The following ETV6 variants were observed in gnomAD, a reference collection of about 807,000 sequenced individuals.
ETV6 encodes transcription factor ETV6.
In ETV6, 16 loss-of-function variants were observed where a neutral mutation model predicts 51.1. The ratio of observed to expected loss-of-function variants is 0.31; its 90% confidence interval spans 0.21 to 0.48. ETV6 has a LOEUF of 0.48. Among genes scored for constraint, ETV6 ranks in the 20% least tolerant of loss-of-function variants. The pLI, the probability that ETV6 is intolerant of heterozygous loss-of-function variation, is 0.99. For synonymous variants in ETV6, 240 were observed against 224.1 expected, an observed-to-expected ratio of 1.07 and a Z score of -0.64; for missense variants, 458 against 594.8, an observed-to-expected ratio of 0.77 and a Z score of 2.39.
chr12:11,674,959 C>A (rs1245242716), intron 1 of ETV6, among the ~76,000 whole-genome samples: 2 of 152,156 alleles, frequency 1.3e-5, no homozygotes, highest in Admixed American at 6.5e-5. Flanking sequence ...GCCCCTCAGT[C>A]AACATTTATG....
chr12:11,837,709 G>A (rs937437860), intron 2 of ETV6, among the ~76,000 whole-genome samples: 4 of 152,166 alleles, frequency 2.6e-5, no homozygotes, highest in African/African-American at 7.2e-5. Context: ...AGTGAGAGAC[G>A]GAAGCTCCTC....
Position 11,751,603 on chromosome 12 carries a change from A to C in ETV6, c.34-847A>C, listed in dbSNP as rs1866030508. Among the ~76,000 whole-genome samples, 3 of 152,114 alleles carry C rather than the reference A, an allele frequency of 2.0e-5. No individual in the cohort carries two copies. The South Asian group carries it at 6.2e-4, about 31-fold the overall frequency. Reference sequence around the variant, plus strand: ...CACGGTAATCCTTCTCACCCCATCTAGTTTGTTTTAATTGATCTAACAAAC... The same window carrying C: ...CACGGTAATCCTTCTCACCCCATCTCGTTTGTTTTAATTGATCTAACAAAC... On this transcript the variant is annotated intron_variant, in intron 1 of 7. Transcript: ENST00000396373.
chr12:11,810,826 C>T (rs1275777133), intron 2 of ETV6, among the ~76,000 whole-genome samples: 1 of 152,182 alleles, frequency 6.6e-6, no homozygotes, highest in Non-Finnish European at 1.5e-5. Flanking sequence ...TGATCCAGGT[C>T]ACCTATTCCA....
intron 1 of ETV6, among the ~76,000 whole-genome samples, chr12:11,735,380 G>A (rs1865684348): frequency 1.3e-5 from 2 of 152,296 alleles, no homozygotes; most frequent in Middle Eastern, 3.4e-3. Flanking sequence ...TCAGTGGGTG[G>A]CACCTAGGGT....
intron 2 of ETV6, among the ~76,000 whole-genome samples, chr12:11,816,552 A>G (rs562568503): frequency 6.6e-6 from 1 of 152,244 alleles, no homozygotes; most frequent in South Asian, 2.1e-4. Flanking sequence ...GGCCAGCTTT[A>G]TGTTTTTAAA....
chr12:11,742,449 A>G (rs1416057968), intron 1 of ETV6, among the ~76,000 whole-genome samples: 2 of 152,242 alleles, frequency 1.3e-5, no homozygotes, highest in East Asian at 1.9e-4. Context: ...ATTACTTGCC[A>G]AGGTGATTAT....
At chr12:11,670,755 G>A (rs190695940) in intron 1 of ETV6, among the ~76,000 whole-genome samples, 1 of 152,348 alleles carries the variant, frequency 6.6e-6, no homozygotes, top group Non-Finnish European at 1.5e-5. Context: ...TTGTAAATGA[G>A]AAGTGGCCTT....
intron 2 of ETV6, among the ~76,000 whole-genome samples, chr12:11,777,054 C>T (rs1945336886): frequency 6.6e-6 from 1 of 152,126 alleles, no homozygotes; most frequent in South Asian, 2.1e-4. Context: ...CTGGCTAACA[C>T]AGTGAAACCC....
intron 1 of ETV6, among the ~76,000 whole-genome samples, chr12:11,673,872 AT>A (rs1223638894): frequency 7.2e-5 from 11 of 152,296 alleles, no homozygotes; most frequent in African/African-American, 2.4e-4. Flanking sequence ...TTTGGCAGTG[AT>A]TCCATGGCTC....
chr12:11,797,557 G>A (rs1945697080), intron 2 of ETV6, among the ~76,000 whole-genome samples: 1 of 152,238 alleles, frequency 6.6e-6, no homozygotes, highest in Non-Finnish European at 1.5e-5. Context: ...TCCCATTACA[G>A]CAAAGGCTTG....
At chr12:11,871,304 T>TCAGC (rs1946878219) in intron 5 of ETV6, among the ~76,000 whole-genome samples, 1 of 149,134 alleles carries the variant, frequency 6.7e-6, no homozygotes, top group Admixed American at 6.7e-5. Context: ...TTCTCCTGCC[T>TCAGC]CAGCCTCCTG....
At chr12:11,673,943 T>G (rs1185722313) in intron 1 of ETV6, among the ~76,000 whole-genome samples, 1 of 152,196 alleles carries the variant, frequency 6.6e-6, no homozygotes, top group Non-Finnish European at 1.5e-5. Context: ...TGGAATTTGG[T>G]TGAAGCAAGT....
intron 5 of ETV6, among the ~76,000 whole-genome samples, chr12:11,871,076 T>A (rs1394224288): frequency 1.3e-5 from 2 of 151,800 alleles, no homozygotes; most frequent in Non-Finnish European, 2.9e-5. Flanking sequence ...AAATGCCCCC[T>A]CCTCCCTGAG....
chr12:11,659,394 C>T (rs1413659322), intron 1 of ETV6, among the ~76,000 whole-genome samples: 1 of 152,158 alleles, frequency 6.6e-6, no homozygotes, highest in East Asian at 1.9e-4. Flanking sequence ...TACCACCATG[C>T]AATAAGTGTG....
chr12:11,828,142 G>T (rs1172422971), intron 2 of ETV6, among the ~76,000 whole-genome samples: 1 of 151,820 alleles, frequency 6.6e-6, no homozygotes, highest in Non-Finnish European at 1.5e-5. Flanking sequence ...TGACCTTTCT[G>T]CCCTGCAGTA....
rs1485094502 is a variant in ETV6, at chr12:11,853,484, T to C, written c.386T>C (p.Leu129Pro). ...CTGAAGCAGAGGAAACCTCGGATTC[T>C]TTTTTCACCATTCTTCCACCCTGGA... ...HILKQRKPRI[L>P]FSPFFHPGNS... Residue 129 changes from leucine to proline, a missense_variant, in exon 4 of 8, where the codon CTT becomes CCT. Physicochemically the swap from Leu to Pro is moderately conservative, Grantham distance 98 (BLOSUM62 -3). This residue lies in a region of ETV6 where 293 missense variants were observed against 315.7 expected (regional missense o/e 0.93). Transcript: ENST00000396373. 3 of 1,614,124 alleles carry C rather than the reference T, an allele frequency of 1.9e-6. No individual in the cohort carries two copies. Among genetic ancestry groups the C allele is most frequent in the Non-Finnish European group, 2.5e-6 (3 of 1,180,034 alleles).
intron 2 of ETV6, among the ~76,000 whole-genome samples, chr12:11,794,350 G>A (rs2136392318): frequency 6.6e-6 from 1 of 152,290 alleles, no homozygotes; most frequent in East Asian, 1.9e-4. Flanking sequence ...TGACCATTCT[G>A]GTCCGTGATC....
chr12:11,714,045 A>G (rs1006645386), intron 1 of ETV6, among the ~76,000 whole-genome samples: 24 of 152,236 alleles, frequency 1.6e-4, no homozygotes, highest in African/African-American at 5.5e-4. Context: ...CAGATGATGC[A>G]TATGACATTA....
chr12:11,744,159 G>C (rs1362197559), intron 1 of ETV6, among the ~76,000 whole-genome samples: 1 of 152,140 alleles, frequency 6.6e-6, no homozygotes, highest in East Asian at 1.9e-4. Flanking sequence ...CTCTCATTTG[G>C]GGGGAGATTG....
Sources: allele counts gnomAD v4.1 joint callset (sites outside exome capture counted in the v4.1 genomes callset), GRCh38; gene constraint gnomAD v4.1.1; regional missense constraint gnomAD v4.1.1; transcripts MANE v1.5; gene names NCBI Gene and HGNC (gene_info 2026-07-23, HGNC 2026-07-21).